FAM162A: variants seen among roughly 807,000 people sequenced by gnomAD.
FAM162A encodes family with sequence similarity 162 member A.
Under a neutral mutation model 21.8 loss-of-function variants are expected in FAM162A, and 23 were observed. The observed-to-expected ratio is 1.05, with a 90% CI of 0.76 to 1.49. The LOEUF (loss-of-function observed/expected upper bound fraction) is 1.49. Ranked by LOEUF, FAM162A falls within the 40% of genes most tolerant of loss-of-function variation. The probability of loss-of-function intolerance (pLI) is 0.00; values close to 1 mark genes in which losing one functional copy is unlikely to be tolerated. For synonymous variants in FAM162A, 53 were observed against 61.3 expected (o/e 0.86, Z 0.64); for missense variants, 165 against 186.4 (o/e 0.89, Z 0.67).
At chr3:122,400,595 C>T (rs2075648261) in intron 1 of FAM162A, among the ~76,000 whole-genome samples, 1 of 152,086 alleles carries the variant, frequency 6.6e-6, no homozygotes, top group African/African-American at 2.4e-5. Context: ...GAGGCCGAGG[C>T]AGGCGGATCA....
intron 1 of FAM162A, among the ~76,000 whole-genome samples, chr3:122,400,341 G>A (rs889690151): frequency 3.9e-5 from 6 of 151,974 alleles, no homozygotes; most frequent in Admixed American, 6.5e-5. Context: ...TGGACACAGG[G>A]AGCGGAACAT....
At chr3:122,391,554 A>G (rs1001879537) in intron 1 of FAM162A, among the ~76,000 whole-genome samples, 1 of 152,262 alleles carries the variant, frequency 6.6e-6, no homozygotes, top group Admixed American at 6.5e-5. Context: ...TTAGCATACA[A>G]TATGAAGTTG....
intron 1 of FAM162A, among the ~76,000 whole-genome samples, chr3:122,384,891 A>G (rs1018999476): frequency 2.0e-5 from 3 of 152,228 alleles, no homozygotes; most frequent in African/African-American, 7.2e-5. Context: ...GGAAGTGTGT[A>G]ATTGAAGGAT....
intron 1 of FAM162A, chr3:122,401,604 T>C: frequency 4.4e-6 from 5 of 1,129,514 alleles, no homozygotes; most frequent in Non-Finnish European, 5.8e-6. Context: ...CTGTGAAATG[T>C]TGGAAGTATA....
At chr3:122,387,711 A>G (rs779240826) in intron 1 of FAM162A, among the ~76,000 whole-genome samples, 3 of 152,176 alleles carry the variant, frequency 2.0e-5, no homozygotes, top group Non-Finnish European at 4.4e-5. Flanking sequence ...TGAGTACACA[A>G]TGGATGCCCT....
chr3:122,384,373 TC>T (rs773735646), intron 1 of FAM162A, 74 bp downstream of exon 1: 1 of 1,516,440 alleles, frequency 6.6e-7, no homozygotes, highest in Non-Finnish European at 8.9e-7. Flanking sequence ...CCTGAAGCCT[TC>T]CTGGGCCCCG....
chr3:122,399,476 C>T (rs2075643596), intron 1 of FAM162A, among the ~76,000 whole-genome samples: 1 of 152,134 alleles, frequency 6.6e-6, no homozygotes, highest in Non-Finnish European at 1.5e-5. Flanking sequence ...TACAGGCATG[C>T]ACCACTGGGC....
chr3:122,409,835 A>C lies in FAM162A; in HGVS notation c.*4A>C, dbSNP rs564715854. On this transcript the variant is annotated 3_prime_UTR_variant, in exon 5 of 5. Coordinates refer to ENST00000477892, the MANE Select transcript of FAM162A (RefSeq NM_014367.4). ...TATGAAGGCCAAAACAGAGTAGCAGAGGTATCCGTGTTGGCTGGATTTTGA... is the reference window on the plus strand; with the variant it reads ...TATGAAGGCCAAAACAGAGTAGCAGCGGTATCCGTGTTGGCTGGATTTTGA... The C allele has an allele frequency of 4.2e-5, 67 of 1,613,036 alleles. No homozygotes were observed. The South Asian group carries it at 7.1e-4, about 17-fold the overall frequency.
rs1255483989 is a variant in FAM162A, at chr3:122,410,264, C to G, written c.*433C>G. Reference sequence around the variant, plus strand: ...TGGTGTACTGGTGGGGAGGCTGCCCCCTAATAGAGCGAGCGCTGAGAAGCA... The same window carrying G: ...TGGTGTACTGGTGGGGAGGCTGCCCGCTAATAGAGCGAGCGCTGAGAAGCA... On this transcript the variant is annotated 3_prime_UTR_variant, in exon 5 of 5. Transcript: ENST00000477892. 3.9e-6 allele frequency: 1 copy of G among 253,634 alleles called. No individual in the cohort carries two copies. The highest frequency in any genetic ancestry group is 7.8e-6 in the Non-Finnish European group (1 of 127,878). The allele number at this position is 253,634 out of a possible 1,614,324, so 15.7% of individuals were successfully genotyped here.
At chr3:122,393,695 T>A (rs1269780406) in intron 1 of FAM162A, among the ~76,000 whole-genome samples, 1 of 152,200 alleles carries the variant, frequency 6.6e-6, no homozygotes, top group Non-Finnish European at 1.5e-5. Flanking sequence ...CAGCAGCACT[T>A]GTTTGACATA....
intron 1 of FAM162A, among the ~76,000 whole-genome samples, chr3:122,393,591 G>GGAAACCCCACTCACAC (rs2075614209): frequency 6.6e-6 from 1 of 152,144 alleles, no homozygotes; most frequent in Non-Finnish European, 1.5e-5. Flanking sequence ...ACAGTTCGCT[G>GGAAACCCCACTCACAC]GAAACCCCAC....
At chr3:122,394,669 A>G (rs1282704903) in intron 1 of FAM162A, among the ~76,000 whole-genome samples, 2 of 152,244 alleles carry the variant, frequency 1.3e-5, no homozygotes, top group Non-Finnish European at 2.9e-5. Context: ...GAAAAAGTCC[A>G]GGCCCAGATG....
intron 3 of FAM162A, among the ~76,000 whole-genome samples, chr3:122,405,493 A>G (rs923406605): frequency 6.6e-6 from 1 of 152,232 alleles, no homozygotes; most frequent in Non-Finnish European, 1.5e-5. Context: ...AAATAAGAGA[A>G]TACTGGAAAT....
intron 4 of FAM162A, among the ~76,000 whole-genome samples, chr3:122,409,080 T>A (rs150203692): frequency 6.9e-6 from 1 of 145,348 alleles, no homozygotes; most frequent in African/African-American, 2.6e-5. Context: ...GAAGGAAATA[T>A]CAGCTTAGGG....
chr3:122,407,411 A>G (rs2075681814), intron 4 of FAM162A, 22 bp downstream of exon 4: 1 of 1,550,504 alleles, frequency 6.4e-7, no homozygotes, highest in Admixed American at 1.7e-5. Context: ...TTTCTTCTCT[A>G]TCCAGTATGT....
chr3:122,411,470 C>T lies in FAM162A; in HGVS notation c.*1639C>T, dbSNP rs1183703288. 6.6e-6 allele frequency: 1 copy of T among 151,862 alleles called. No homozygotes were observed. The highest frequency in any genetic ancestry group is 1.5e-5 in the Non-Finnish European group (1 of 67,980). The allele number at this position is 151,862 out of a possible 1,614,324, so 9.4% of individuals were successfully genotyped here. A position where few individuals can be genotyped will look rare whatever the true frequency, so the allele number is the denominator to read the frequency against. ...TGGAATTTCTTTTAAAAATAATCCT[C>T]TTCATAGAGCAATACAACAAAAATG... On this transcript the variant is annotated 3_prime_UTR_variant, in exon 5 of 5. Coordinates refer to ENST00000477892, the MANE Select transcript of FAM162A (RefSeq NM_014367.4).
At chr3:122,389,538 G>A (rs2075591197) in intron 1 of FAM162A, among the ~76,000 whole-genome samples, 1 of 152,192 alleles carries the variant, frequency 6.6e-6, no homozygotes, top group East Asian at 1.9e-4. Flanking sequence ...AAAGATGTAT[G>A]TAGAGAACTG....
intron 4 of FAM162A, 78 bp from the exon 5 acceptor site, chr3:122,409,661 T>C (rs2075694683): frequency 8.0e-7 from 1 of 1,256,428 alleles, no homozygotes; most frequent in Non-Finnish European, 1.2e-6. Context: ...TCTGTTAACC[T>C]GCTGTCATCA....
At chr3:122,394,211 A>G (rs1406596811) in intron 1 of FAM162A, among the ~76,000 whole-genome samples, 1 of 152,150 alleles carries the variant, frequency 6.6e-6, no homozygotes, top group Non-Finnish European at 1.5e-5. Flanking sequence ...TTCATGAGAA[A>G]TCCACCCCCA....
Sources: gnomAD v4.1 joint callset for allele counts (sites outside exome capture counted in the v4.1 genomes callset) on GRCh38, gnomAD v4.1.1 for gene constraint, MANE v1.5 for transcripts, NCBI Gene and HGNC (gene_info 2026-07-23, HGNC 2026-07-21) for gene names.